Variants in TCERG1L observed in about 807,000 individuals in gnomAD.
The protein encoded by TCERG1L is transcription elongation regulator 1 like.
A neutral mutation model predicts 56.3 loss-of-function variants in TCERG1L; 37 were observed. The ratio of observed to expected loss-of-function variants is 0.66; its 90% CI spans 0.51 to 0.87. The LOEUF is 0.87. Ranked by LOEUF, TCERG1L falls within the 40% of genes least tolerant of loss-of-function variation. The pLI is 0.00. For missense variants in TCERG1L, 799 were observed against 774.2 expected (o/e 1.03, Z -0.38); for synonymous variants, 324 against 326.3 (o/e 0.99, Z 0.08).
At chr10:131,293,871 T>G (rs569680843) in intron 3 of TCERG1L, among the ~76,000 whole-genome samples, 11 of 152,320 alleles carry the variant, frequency 7.2e-5, no homozygotes, top group Non-Finnish European at 1.6e-4. Context: ...AATTTTTACT[T>G]CTGTTTCACT....
chr10:131,276,638 T>G (rs1162212970), intron 3 of TCERG1L, among the ~76,000 whole-genome samples: 1 of 152,252 alleles, frequency 6.6e-6, no homozygotes, highest in Non-Finnish European at 1.5e-5. Flanking sequence ...GGGATTCTCC[T>G]GCTTTGCTGA....
chr10:131,122,981 G>A (rs12415526), intron 8 of TCERG1L, among the ~76,000 whole-genome samples: 1 of 152,062 alleles, frequency 6.6e-6, no homozygotes, highest in African/African-American at 2.4e-5. Flanking sequence ...CATTTCCAAG[G>A]GGTCCTCCCA....
chr10:131,120,621 G>T (rs781303062), intron 8 of TCERG1L, among the ~76,000 whole-genome samples: 6 of 152,248 alleles, frequency 3.9e-5, no homozygotes, highest in Admixed American at 3.3e-4. Context: ...CTCATAGGCT[G>T]ACACCCAGGT....
At chr10:131,131,022 G>A (rs557283763) in intron 8 of TCERG1L, among the ~76,000 whole-genome samples, 5 of 152,246 alleles carry the variant, frequency 3.3e-5, no homozygotes, top group African/African-American at 4.8e-5. Flanking sequence ...GGGCATTCCC[G>A]TGAGCACCCA....
At chr10:131,142,377 C>T (rs1026848173) in intron 7 of TCERG1L, among the ~76,000 whole-genome samples, 5 of 152,218 alleles carry the variant, frequency 3.3e-5, no homozygotes, top group South Asian at 2.1e-4. Context: ...ATCCAGTGTG[C>T]GCTGTCTTCT....
At chr10:131,254,013 A>G (rs1362440832) in intron 4 of TCERG1L, among the ~76,000 whole-genome samples, 2 of 152,140 alleles carry the variant, frequency 1.3e-5, no homozygotes, top group African/African-American at 2.4e-5. Context: ...CCACTTCAGG[A>G]TGGGAGGACT....
intron 3 of TCERG1L, among the ~76,000 whole-genome samples, chr10:131,266,070 T>C (rs1015615593): frequency 2.0e-5 from 3 of 152,274 alleles, no homozygotes; most frequent in African/African-American, 4.8e-5. Context: ...TCCTTTGTTA[T>C]TATTTCAACA....
intron 4 of TCERG1L, among the ~76,000 whole-genome samples, chr10:131,197,133 C>G (rs746670204): frequency 4.6e-5 from 7 of 151,974 alleles, no homozygotes; most frequent in Non-Finnish European, 1.0e-4. Context: ...ATCTGGGACC[C>G]TGCTCAGTTT....
intron 4 of TCERG1L, among the ~76,000 whole-genome samples, chr10:131,222,779 G>A (rs1248801865): frequency 1.3e-5 from 2 of 152,176 alleles, no homozygotes; most frequent in African/African-American, 4.8e-5. Flanking sequence ...GTGGTTTAGA[G>A]GGTGGATAAG....
chr10:131,203,296 C>A (rs943343084), intron 4 of TCERG1L, among the ~76,000 whole-genome samples: 21 of 116,800 alleles, frequency 1.8e-4, no homozygotes, highest in African/African-American at 6.3e-4. Flanking sequence ...GCATGGGTGA[C>A]AGAGTGAGAC....
intron 8 of TCERG1L, among the ~76,000 whole-genome samples, chr10:131,126,454 G>A (rs972026609): frequency 5.6e-4 from 85 of 152,228 alleles, no homozygotes; most frequent in African/African-American, 1.9e-3. Flanking sequence ...GGGTTTGCTG[G>A]TGGCCTCGTT....
chr10:131,110,713 C>T (rs909107509), intron 9 of TCERG1L, among the ~76,000 whole-genome samples: 7 of 152,214 alleles, frequency 4.6e-5, no homozygotes, highest in African/African-American at 1.2e-4. Flanking sequence ...ACTTCAGTCC[C>T]GGCTTCACCA....
At chr10:131,243,723 G>T (rs1845998151) in intron 4 of TCERG1L, among the ~76,000 whole-genome samples, 1 of 152,204 alleles carries the variant, frequency 6.6e-6, no homozygotes, top group African/African-American at 2.4e-5. Context: ...GCAAGTAAGT[G>T]ACAACCATCT....
intron 4 of TCERG1L, among the ~76,000 whole-genome samples, chr10:131,178,868 G>A (rs1845140477): frequency 6.6e-6 from 1 of 152,198 alleles, no homozygotes; most frequent in Non-Finnish European, 1.5e-5. Flanking sequence ...TGTACACTCC[G>A]CAGAGCTGCA....
chr10:131,198,475 T>C (rs1016675486), intron 4 of TCERG1L, among the ~76,000 whole-genome samples: 3 of 152,218 alleles, frequency 2.0e-5, no homozygotes, highest in African/African-American at 7.2e-5. Context: ...CGCACTGCCA[T>C]AGCAAAACAC....
At chr10:131,189,099 T>C (rs1845278937) in intron 4 of TCERG1L, among the ~76,000 whole-genome samples, 2 of 152,196 alleles carry the variant, frequency 1.3e-5, no homozygotes, top group African/African-American at 2.4e-5. Flanking sequence ...ACCCACCCCA[T>C]AGGAAAGGAC....
intron 6 of TCERG1L, among the ~76,000 whole-genome samples, chr10:131,150,719 C>A (rs906211440): frequency 6.6e-6 from 1 of 152,210 alleles, no homozygotes; most frequent in East Asian, 1.9e-4. Flanking sequence ...CCCGATAGCA[C>A]ACGTGGATCT....
chr10:131,121,261 G>T (rs1845509567), intron 8 of TCERG1L, among the ~76,000 whole-genome samples: 3 of 152,138 alleles, frequency 2.0e-5, no homozygotes. Flanking sequence ...TTCTGGAGAG[G>T]CCTGTCTGCA....
chr10:131,147,074 C>T (rs753320707), intron 6 of TCERG1L, among the ~76,000 whole-genome samples: 2 of 152,154 alleles, frequency 1.3e-5, no homozygotes, highest in African/African-American at 2.4e-5. Flanking sequence ...CTACACTTCC[C>T]CAGTTGAGCT....
Sources: allele counts gnomAD v4.1 joint callset (sites outside exome capture counted in the v4.1 genomes callset), GRCh38; gene constraint gnomAD v4.1.1; transcripts MANE v1.5; gene names NCBI Gene and HGNC (gene_info 2026-07-23, HGNC 2026-07-21).